Variants in QRICH1 observed in about 807,000 individuals in gnomAD.
The protein encoded by QRICH1 is transcriptional regulator QRICH1.
A neutral mutation model predicts 87.1 loss-of-function variants in QRICH1; 16 were observed. The ratio of observed to expected loss-of-function variants is 0.18; its 90% CI spans 0.12 to 0.28. The LOEUF (loss-of-function observed/expected upper bound fraction) is 0.28, where lower values mean the gene tolerates loss of function less well. Among genes scored for constraint, QRICH1 ranks in the 10% least tolerant of loss-of-function variants. QRICH1 has a pLI of 1.00. For missense variants in QRICH1, 647 were observed against 951.7 expected, an observed-to-expected ratio of 0.68 and a Z score of 4.21; for synonymous variants, 367 against 368.4, an observed-to-expected ratio of 1.00 and a Z score of 0.05.
intron 3 of QRICH1, among the ~76,000 whole-genome samples, chr3:49,051,730 G>A (rs960296045): frequency 2.0e-5 from 3 of 151,862 alleles, no homozygotes; most frequent in Admixed American, 1.3e-4. Context: ...TCTCTCCTTC[G>A]TTCAATGGCA....
At chr3:49,078,851 C>G (rs2042003581) in intron 1 of QRICH1, among the ~76,000 whole-genome samples, 2 of 151,724 alleles carry the variant, frequency 1.3e-5, no homozygotes, top group South Asian at 4.2e-4. Flanking sequence ...ACCACCATGC[C>G]CAGCTAATTT....
intron 1 of QRICH1, among the ~76,000 whole-genome samples, chr3:49,081,629 C>T (rs1362739148): frequency 6.6e-6 from 1 of 152,018 alleles, no homozygotes; most frequent in South Asian, 2.1e-4. Flanking sequence ...GCCGCCCAAG[C>T]GGCTGGGACT....
chr3:49,039,306 G>A (rs1270809644), intron 6 of QRICH1, among the ~76,000 whole-genome samples: 1 of 152,046 alleles, frequency 6.6e-6, no homozygotes, highest in African/African-American at 2.4e-5. Flanking sequence ...GCAGTGAACC[G>A]AGATCGTGTC....
At chr3:49,041,929 C>T (rs1293238621) in intron 6 of QRICH1, among the ~76,000 whole-genome samples, 1 of 151,904 alleles carries the variant, frequency 6.6e-6, no homozygotes, top group Non-Finnish European at 1.5e-5. Flanking sequence ...TGAACCACAG[C>T]TCCCAGCCAA....
At chr3:49,078,506 T>G (rs2041996249) in intron 1 of QRICH1, among the ~76,000 whole-genome samples, 1 of 137,564 alleles carries the variant, frequency 7.3e-6, no homozygotes, top group South Asian at 2.6e-4. Context: ...ACCATTCTCC[T>G]GCCTCAGCCT....
intron 2 of QRICH1, among the ~76,000 whole-genome samples, chr3:49,075,420 C>A (rs1322243800): frequency 6.6e-6 from 1 of 151,718 alleles, no homozygotes; most frequent in Non-Finnish European, 1.5e-5. Context: ...TACCTGAGGT[C>A]AGAAGTTCGA....
At position 49,057,306 on chromosome 3, in the gene QRICH1, A is replaced by G; in HGVS notation, c.894T>C (p.Thr298=). 6.2e-7 allele frequency: 1 copy of G among 1,614,216 alleles called. No homozygotes were observed. Among genetic ancestry groups the G allele is most frequent in the Non-Finnish European group, 8.5e-7 (1 of 1,180,040 alleles). Residue 298 remains threonine (T), a synonymous_variant, in exon 3 of 10, where the codon ACT becomes ACC. Transcript: ENST00000395443. This position sits in a 1 kb window ranked among gnomAD's most constrained non-coding sequence, Gnocchi z 5.4. ...TVDSAHLYSA[T]GTITSPTGET... is the part of the protein sequence containing the mutation. ...CTCCTGTAGGGCTAGTAATGGTCCCAGTGGCACTGTACAGGTGGGCACTGT... is the reference window on the plus strand; with the variant it reads ...CTCCTGTAGGGCTAGTAATGGTCCCGGTGGCACTGTACAGGTGGGCACTGT...
At chr3:49,076,532 A>G (rs1269941776) in intron 2 of QRICH1, among the ~76,000 whole-genome samples, 177 bp downstream of exon 2, 1 of 152,192 alleles carries the variant, frequency 6.6e-6, no homozygotes, top group African/African-American at 2.4e-5. Flanking sequence ...TTTAAAAAAA[A>G]AAAAAAGCTT....
intron 6 of QRICH1, among the ~76,000 whole-genome samples, chr3:49,036,127 T>C (rs1047948266): frequency 5.9e-5 from 9 of 151,948 alleles, no homozygotes; most frequent in East Asian, 3.9e-4. Flanking sequence ...ACAGACTCTA[T>C]TGACTGAGGG....
chr3:49,058,729 A>C (rs1038768078), intron 2 of QRICH1, among the ~76,000 whole-genome samples: 4 of 149,940 alleles, frequency 2.7e-5, no homozygotes, highest in African/African-American at 9.8e-5. Flanking sequence ...CCTGGGTTCA[A>C]GCAATTCTCT....
chr3:49,062,331 T>C (rs918224025), intron 2 of QRICH1, among the ~76,000 whole-genome samples: 3 of 144,512 alleles, frequency 2.1e-5, no homozygotes, highest in African/African-American at 5.1e-5. Flanking sequence ...TGAGACTCCA[T>C]CTCAGAAAAA....
At chr3:49,054,990 CT>C (rs1212305698) in intron 3 of QRICH1, among the ~76,000 whole-genome samples, 1 of 152,144 alleles carries the variant, frequency 6.6e-6, no homozygotes, top group Admixed American at 6.6e-5. Flanking sequence ...CCCAGTTTGT[CT>C]TTGTGTATAT....
intron 5 of QRICH1, among the ~76,000 whole-genome samples, 163 bp downstream of exon 5, chr3:49,046,262 T>TAAA (rs11374545): frequency 7.7e-6 from 1 of 129,926 alleles, no homozygotes; most frequent in East Asian, 2.0e-4. Context: ...TTTTAAAACT[T>TAAA]AAAAAAAAAA....
intron 3 of QRICH1, among the ~76,000 whole-genome samples, chr3:49,054,649 A>G (rs2093390428): frequency 6.6e-6 from 1 of 152,160 alleles, no homozygotes; most frequent in Non-Finnish European, 1.5e-5. Flanking sequence ...TCATGCCTGT[A>G]ATCCCAACAT....
intron 1 of QRICH1, among the ~76,000 whole-genome samples, chr3:49,092,697 A>G (rs2042299668): frequency 6.6e-6 from 1 of 152,166 alleles, no homozygotes; most frequent in Admixed American, 6.6e-5. Flanking sequence ...TCTAGAACAA[A>G]CCTAGAACTT....
chr3:49,060,791 C>T (rs567801661), intron 2 of QRICH1, among the ~76,000 whole-genome samples: 4 of 152,198 alleles, frequency 2.6e-5, no homozygotes, highest in East Asian at 3.9e-4. Flanking sequence ...CAAACCCTAT[C>T]GTGAACTGCA....
chr3:49,061,204 C>T (rs1047965081), intron 2 of QRICH1, among the ~76,000 whole-genome samples: 2 of 144,354 alleles, frequency 1.4e-5, no homozygotes, highest in Non-Finnish European at 3.0e-5. Context: ...ACAGTTTCAT[C>T]CCAAAGCACC....
chr3:49,058,894 T>C (rs961383141), intron 2 of QRICH1, among the ~76,000 whole-genome samples: 5 of 151,560 alleles, frequency 3.3e-5, no homozygotes, highest in African/African-American at 1.2e-4. Flanking sequence ...TCCAAAACTG[T>C]TGAGATTACA....
chr3:49,056,363 T>G (rs1415073230), intron 3 of QRICH1, among the ~76,000 whole-genome samples: 1 of 152,208 alleles, frequency 6.6e-6, no homozygotes, highest in Admixed American at 6.6e-5. Context: ...ACAGGCTCCT[T>G]ATGAGTTATT....
Sources: allele counts gnomAD v4.1 joint callset (sites outside exome capture counted in the v4.1 genomes callset), GRCh38; gene constraint gnomAD v4.1.1; non-coding constraint Gnocchi (gnomAD v3.1); transcripts MANE v1.5; gene names NCBI Gene and HGNC (gene_info 2026-07-23, HGNC 2026-07-21).